LHX9: variants seen among roughly 807,000 people sequenced by gnomAD.
LHX9 encodes the protein LIM/homeobox protein Lhx9.
In LHX9, 9 loss-of-function variants were observed where a neutral mutation model predicts 36.5. The observed-to-expected ratio is 0.25, with a 90% CI of 0.15 to 0.43. The LOEUF (loss-of-function observed/expected upper bound fraction) is 0.43, where lower values mean the gene tolerates loss of function less well. LHX9 is among the 20% of genes least tolerant of loss of function. The probability of loss-of-function intolerance (pLI) is 1.00; values close to 1 mark genes in which losing one functional copy is unlikely to be tolerated. For missense variants in LHX9, 464 were observed against 526.4 expected (o/e 0.88, Z 1.16); for synonymous variants, 211 against 212.1 (o/e 0.99, Z 0.04).
At chr1:197,924,438 C>T (rs923366764) in intron 3 of LHX9, among the ~76,000 whole-genome samples, 3 of 152,188 alleles carry the variant, frequency 2.0e-5, no homozygotes, top group African/African-American at 7.2e-5. Flanking sequence ...ATGAGAATGT[C>T]CCTAGTTTTG....
At chr1:197,923,786 T>C (rs1295634943) in intron 3 of LHX9, among the ~76,000 whole-genome samples, 1 of 152,190 alleles carries the variant, frequency 6.6e-6, no homozygotes, top group Non-Finnish European at 1.5e-5. Context: ...TTAAGAAGAA[T>C]AAAAGAATCC....
Position 197,921,634 on chromosome 1 carries a change from A to G in LHX9, c.708A>G (p.Gly236=). ...RPRKRKSPAL[G]VDIVNYNSGC... is the part of the protein sequence containing the mutation. Reference sequence around the variant, plus strand: ...GGAAGCGGAAGAGCCCAGCGCTGGGAGTGGACATCGTCAATTACAACTCAG... The same window carrying G: ...GGAAGCGGAAGAGCCCAGCGCTGGGGGTGGACATCGTCAATTACAACTCAG... The change falls in exon 3 of 5, where the codon GGA becomes GGG. Residue 236 remains glycine, a synonymous_variant. Transcript: ENST00000367387. This position sits in a 1 kb window ranked among gnomAD's most constrained non-coding sequence, Gnocchi z 4.6. The G allele has an allele frequency of 6.3e-7, 1 of 1,594,122 alleles. No individual in the cohort carries two copies. The highest frequency in any genetic ancestry group is 8.5e-7 in the Non-Finnish European group (1 of 1,173,348).
rs1467821788 is a variant in LHX9, at chr1:197,933,540, A to G, written c.*4281A>G. The G allele has an allele frequency of 6.6e-6, 1 of 152,088 alleles. No homozygotes were observed. The highest frequency in any genetic ancestry group is 1.5e-5 in the Non-Finnish European group (1 of 68,012). 9.4% of individuals were successfully genotyped at this position (152,088 alleles called of 1,614,324 possible). A position where few individuals can be genotyped will look rare whatever the true frequency, so the allele number is the denominator to read the frequency against. On this transcript the variant is annotated 3_prime_UTR_variant, in exon 5 of 5. Coordinates refer to ENST00000367387, the MANE Select transcript of LHX9 (RefSeq NM_020204.3). ...GCCAGTTTATTCAAATCTTTGCCCT[A>G]CAGTCTTGCCTTCTTTCCCTGTTCT...
chr1:197,917,111 TGTGTGC>T (rs1203179868), upstream of LHX9: 8 of 191,012 alleles, frequency 4.2e-5, no homozygotes, highest in African/African-American at 1.8e-4. Flanking sequence ...TGTGTGTGTG[TGTGTGC>T]GCGCGCGCGC....
intron 1 of LHX9, chr1:197,918,592 C>A (rs2102592309): frequency 1.8e-6 from 1 of 566,288 alleles, no homozygotes; most frequent in South Asian, 2.4e-5. Flanking sequence ...AGCGCCAGGA[C>A]CCGGCGGGTG....
upstream of LHX9, chr1:197,916,552 C>G (rs1659762224): frequency 7.8e-6 from 5 of 638,782 alleles, no homozygotes; most frequent in Non-Finnish European, 1.4e-5. Flanking sequence ...AAACCTGAAC[C>G]GGGGAAGAGA....
intron 1 of LHX9, chr1:197,918,257 G>T: frequency 1.4e-6 from 1 of 716,348 alleles, no homozygotes; most frequent in Non-Finnish European, 2.6e-6. Flanking sequence ...GAGGAGGTGG[G>T]ATGGGGGGTG....
chr1:197,918,222 C>A, intron 1 of LHX9: 1 of 706,712 alleles, frequency 1.4e-6, no homozygotes, highest in Non-Finnish European at 2.6e-6. Context: ...GCAGCTGATT[C>A]CGAAAGAGCA....
chr1:197,923,991 A>G (rs1660074499), intron 3 of LHX9, among the ~76,000 whole-genome samples: 2 of 152,144 alleles, frequency 1.3e-5, no homozygotes, highest in South Asian at 4.1e-4. Context: ...GACTTTTCCC[A>G]GAGATACTAT....
upstream of LHX9, chr1:197,916,803 G>C (rs1659773327): frequency 1.4e-6 from 1 of 702,758 alleles, no homozygotes; most frequent in Admixed American, 2.0e-5. Flanking sequence ...GTGGATTGAG[G>C]AAGATGGGAT....
At chr1:197,920,444 G>A (rs1659946859) in intron 2 of LHX9, among the ~76,000 whole-genome samples, 1 of 152,140 alleles carries the variant, frequency 6.6e-6, no homozygotes, top group Admixed American at 6.5e-5. Context: ...GCGGAACTTG[G>A]GGAAATCTGG....
chr1:197,925,281 T>G (rs1455571582), intron 3 of LHX9, among the ~76,000 whole-genome samples: 1 of 152,202 alleles, frequency 6.6e-6, no homozygotes, highest in African/African-American at 2.4e-5. Context: ...ACTACAATTA[T>G]TTTTCATAAA....
At chr1:197,925,586 A>G (rs1340671748) in intron 3 of LHX9, among the ~76,000 whole-genome samples, 2 of 152,108 alleles carry the variant, frequency 1.3e-5, no homozygotes, top group Non-Finnish European at 2.9e-5. Context: ...TTTACTGGAG[A>G]TAAGTATAGT....
At chr1:197,913,676 T>C (rs530785835), upstream of LHX9, among the ~76,000 whole-genome samples, 2 of 152,306 alleles carry the variant, frequency 1.3e-5, no homozygotes, top group Admixed American at 1.3e-4. Flanking sequence ...GACGTTTCAC[T>C]GGGCCTTGGG....
upstream of LHX9, among the ~76,000 whole-genome samples, chr1:197,914,352 T>C (rs1659691318): frequency 6.6e-6 from 1 of 151,946 alleles, no homozygotes; most frequent in African/African-American, 2.4e-5. Context: ...CTGTAATTTT[T>C]ATGGAACACT....
chr1:197,928,649 A>G (rs1387959134), intron 4 of LHX9, among the ~76,000 whole-genome samples: 1 of 152,166 alleles, frequency 6.6e-6, no homozygotes, highest in Non-Finnish European at 1.5e-5. Flanking sequence ...TCAAAAGATA[A>G]CAGTTGAGGA....
At chr1:197,912,907 G>T, upstream of LHX9, 1 of 353,934 alleles carries the variant, frequency 2.8e-6, no homozygotes, top group South Asian at 3.8e-5. Context: ...TGCTGGGGGT[G>T]TCTCTTTCTT....
upstream of LHX9, chr1:197,912,838 T>C (rs1388256706): frequency 1.2e-5 from 6 of 514,780 alleles, no homozygotes; most frequent in Admixed American, 2.0e-4. Context: ...AGGTCCTGGT[T>C]CCACTGATCC....
In LHX9 at chr1:197,918,169, C is replaced by A; in HGVS notation, c.174+172C>A. On this transcript the variant is annotated intron_variant, in intron 1 of 4. Transcript: ENST00000367387. Reference sequence around the variant, plus strand: ...TATGCCTACAGGGCTAAGAAACGGTCGTTTTTCTGAATCGAAATGTCTGCA... The same window carrying A: ...TATGCCTACAGGGCTAAGAAACGGTAGTTTTTCTGAATCGAAATGTCTGCA... 3 of 720,514 alleles carry A rather than the reference C, an allele frequency of 4.2e-6. No individual in the cohort carries two copies. The South Asian group carries it at 5.0e-5, about 12-fold the overall frequency. 44.6% of individuals were successfully genotyped at this position (720,514 alleles called of 1,614,324 possible). A position where few individuals can be genotyped will look rare whatever the true frequency, so the allele number is the denominator to read the frequency against.
Sources: gnomAD v4.1 joint callset for allele counts (sites outside exome capture counted in the v4.1 genomes callset) on GRCh38, gnomAD v4.1.1 for gene constraint, Gnocchi (gnomAD v3.1) non-coding constraint, MANE v1.5 for transcripts, NCBI Gene and HGNC (gene_info 2026-07-23, HGNC 2026-07-21) for gene names.